The following MND1 variants were observed in gnomAD, a reference collection of about 807,000 sequenced individuals.
MND1 encodes the protein meiotic nuclear divisions 1, also known as meiotic nuclear division protein 1 homolog.
A neutral mutation model predicts 35.1 loss-of-function variants in MND1; 28 were observed. The observed-to-expected ratio is 0.80, with a 90% confidence interval of 0.59 to 1.09. The LOEUF (loss-of-function observed/expected upper bound fraction) is 1.09. Ranked by LOEUF, MND1 falls within the 50% of genes least tolerant of loss-of-function variation. MND1 has a pLI of 0.00. For synonymous variants in MND1, 69 were observed against 70.5 expected (o/e 0.98, Z 0.11); for missense variants, 213 against 239.6 (o/e 0.89, Z 0.73).
chr4:153,349,954 A>C, intron 1 of MND1, 110 bp from the exon 2 acceptor site: 1 of 702,980 alleles, frequency 1.4e-6, no homozygotes, highest in Non-Finnish European at 2.4e-6. Flanking sequence ...GAGAGTATCA[A>C]ACCTGTTGGC....
At chr4:153,358,959 C>T (rs1017619797) in intron 4 of MND1, among the ~76,000 whole-genome samples, 1 of 152,116 alleles carries the variant, frequency 6.6e-6, no homozygotes, top group African/African-American at 2.4e-5. Context: ...TGCCCTTTCT[C>T]CCTCACCACG....
At chr4:153,370,700 A>G (rs1271793166) in intron 4 of MND1, among the ~76,000 whole-genome samples, 2 of 151,958 alleles carry the variant, frequency 1.3e-5, no homozygotes, top group Non-Finnish European at 2.9e-5. Flanking sequence ...TTGTATTTTT[A>G]GTAGAGACAG....
chr4:153,349,707 T>C (rs995556898), intron 1 of MND1, among the ~76,000 whole-genome samples: 6 of 147,282 alleles, frequency 4.1e-5, no homozygotes, highest in Non-Finnish European at 9.2e-5. Flanking sequence ...TGGGTATTTA[T>C]GTAACAATTG....
intron 4 of MND1, among the ~76,000 whole-genome samples, chr4:153,360,762 C>CACATAT (rs1773466362): frequency 7.1e-6 from 1 of 141,500 alleles, no homozygotes; most frequent in Admixed American, 7.1e-5. Context: ...CATATATACA[C>CACATAT]ACATATACAT....
chr4:153,350,904 A>G (rs1224712040), intron 2 of MND1, among the ~76,000 whole-genome samples: 10 of 151,416 alleles, frequency 6.6e-5, no homozygotes, highest in Non-Finnish European at 1.3e-4. Context: ...GGTAGAATTG[A>G]ATATTAAATT....
chr4:153,364,604 C>G (rs1413902488), intron 4 of MND1, among the ~76,000 whole-genome samples: 1 of 152,038 alleles, frequency 6.6e-6, no homozygotes, highest in African/African-American at 2.4e-5. Context: ...ACATTCATAG[C>G]AGCATTACAG....
intron 7 of MND1, among the ~76,000 whole-genome samples, chr4:153,414,521 G>C (rs1729780896): frequency 1.3e-5 from 2 of 152,020 alleles, no homozygotes; most frequent in African/African-American, 4.8e-5. Context: ...CTGACCTCAT[G>C]ATCACCCTGC....
chr4:153,382,962 G>A (rs1728749819), intron 4 of MND1, among the ~76,000 whole-genome samples: 1 of 152,108 alleles, frequency 6.6e-6, no homozygotes, highest in Admixed American at 6.5e-5. Flanking sequence ...TAACTTTTAG[G>A]CCCATTCTTT....
intron 6 of MND1, among the ~76,000 whole-genome samples, chr4:153,399,261 G>C (rs759453972): frequency 6.6e-6 from 1 of 152,120 alleles, no homozygotes; most frequent in Non-Finnish European, 1.5e-5. Flanking sequence ...CCAAAAAGAC[G>C]TAAGCTTTTC....
At chr4:153,355,519 T>A in intron 2 of MND1, 135 bp from the exon 3 acceptor site, 1 of 610,992 alleles carries the variant, frequency 1.6e-6, no homozygotes, top group Non-Finnish European at 2.9e-6. Flanking sequence ...ATTGTATACC[T>A]ATATCAAAAT....
intron 7 of MND1, among the ~76,000 whole-genome samples, chr4:153,412,806 T>C (rs909531500): frequency 3.4e-5 from 5 of 149,084 alleles, no homozygotes; most frequent in Non-Finnish European, 5.9e-5. Flanking sequence ...TCTTCTTTTT[T>C]TTCTTTTTTT....
At chr4:153,408,912 G>GTATATATATATATA (rs10552163) in intron 6 of MND1, 59 bp from the exon 7 acceptor site, 34 of 318,412 alleles carry the variant, frequency 1.1e-4, no homozygotes, top group African/African-American at 8.0e-4. Flanking sequence ...CATTTTGTGT[G>GTATATATATATATA]TATATATATA....
chr4:153,373,685 A>G (rs1452978303), intron 4 of MND1, among the ~76,000 whole-genome samples: 1 of 152,214 alleles, frequency 6.6e-6, no homozygotes, highest in African/African-American at 2.4e-5. Flanking sequence ...AGTTGAAGTC[A>G]CATCAGAGGC....
chr4:153,368,133 A>G (rs2149638921), intron 4 of MND1, among the ~76,000 whole-genome samples: 1 of 152,206 alleles, frequency 6.6e-6, no homozygotes, highest in Non-Finnish European at 1.5e-5. Context: ...ATACAAGGTA[A>G]TTTACTTATG....
At chr4:153,384,582 T>C (rs1057347855) in intron 4 of MND1, among the ~76,000 whole-genome samples, 1 of 149,618 alleles carries the variant, frequency 6.7e-6, no homozygotes, top group Non-Finnish European at 1.5e-5. Context: ...CGTGAGCCAC[T>C]ATGCACAGCC....
At chr4:153,390,666 A>G (rs1337875465) in intron 4 of MND1, among the ~76,000 whole-genome samples, 2 of 151,918 alleles carry the variant, frequency 1.3e-5, no homozygotes, top group African/African-American at 4.8e-5. Context: ...GGGCAACATG[A>G]CAAAGTTCAT....
chr4:153,390,399 C>G (rs1728986708), intron 4 of MND1, among the ~76,000 whole-genome samples: 1 of 152,136 alleles, frequency 6.6e-6, no homozygotes, highest in Non-Finnish European at 1.5e-5. Flanking sequence ...CTTAAAATGA[C>G]AAATCATGAA....
rs554504608 is a variant in MND1, at chr4:153,414,023, C to T, written c.512-728C>T. Among the ~76,000 whole-genome samples, 3 of 152,296 alleles carry T rather than the reference C, an allele frequency of 2.0e-5. No individual in the cohort carries two copies. In the South Asian group the frequency reaches 6.2e-4, roughly 32 times the overall value. Reference sequence around the variant, plus strand: ...TTTCCCTGCTCCCCACCCCCTCTCCCTAGTACTGGCCTGATTGTCTGGAAG... The same window carrying T: ...TTTCCCTGCTCCCCACCCCCTCTCCTTAGTACTGGCCTGATTGTCTGGAAG... On this transcript the variant is annotated intron_variant, in intron 7 of 7. Coordinates refer to ENST00000240488, the MANE Select transcript of MND1 (RefSeq NM_032117.4).
chr4:153,384,260 T>C (rs1396730168), intron 4 of MND1, among the ~76,000 whole-genome samples: 1 of 86,344 alleles, frequency 1.2e-5, no homozygotes, highest in Non-Finnish European at 2.3e-5. Context: ...ACTTTCTGCT[T>C]TTTTTTTTTT....
Sources: gnomAD v4.1 joint callset for allele counts (sites outside exome capture counted in the v4.1 genomes callset) on GRCh38, gnomAD v4.1.1 for gene constraint, MANE v1.5 for transcripts, NCBI Gene and HGNC (gene_info 2026-07-23, HGNC 2026-07-21) for gene names.